LAMC1: variants seen among roughly 807,000 people sequenced by gnomAD.
The protein encoded by LAMC1 is laminin subunit gamma-1.
Under a neutral mutation model 173.6 loss-of-function variants are expected in LAMC1, and 38 were observed. That is an observed-to-expected ratio of 0.22 (90% confidence interval 0.17 to 0.29). The LOEUF is 0.29. Ranked by LOEUF, LAMC1 falls within the 10% of genes least tolerant of loss-of-function variation. The probability of loss-of-function intolerance (pLI) is 1.00; values close to 1 mark genes in which losing one functional copy is unlikely to be tolerated. For synonymous variants in LAMC1, 746 were observed against 749.1 expected (o/e 1.00, Z 0.07); for missense variants, 1,824 against 2,051.8 (o/e 0.89, Z 2.14).
At chr1:183,053,760 G>A (rs1654501845) in intron 1 of LAMC1, among the ~76,000 whole-genome samples, 1 of 151,936 alleles carries the variant, frequency 6.6e-6, no homozygotes, top group African/African-American at 2.4e-5. Context: ...TGAGTAGCTG[G>A]GATTACAGGC....
At chr1:183,140,598 T>G (rs147382362) in intron 27 of LAMC1, 95 bp downstream of exon 27, 2 of 589,570 alleles carry the variant, frequency 3.4e-6, no homozygotes, top group African/African-American at 1.9e-5. Context: ...GCAGATGATA[T>G]AGGTTTACAT....
rs1409774161 is a variant in LAMC1, at chr1:183,117,377, C to T, written c.1622C>T (p.Ser541Phe). ...GGCTCTGAAGCATCTCTCGAGTGGT[C>T]CTCTGAGAGGCAAGATATCGCCGTG... The part of the protein sequence containing the change: ...RDGSEASLEW[S>F]SERQDIAVIS... The change falls in exon 9 of 28, where the codon TCC becomes TTC. Residue 541 changes from serine to phenylalanine, a missense_variant. Coordinates refer to ENST00000258341, the MANE Select transcript of LAMC1 (RefSeq NM_002293.4). The T allele has an allele frequency of 9.9e-6, 16 of 1,613,668 alleles. No individual in the cohort carries two copies. Among genetic ancestry groups the T allele is most frequent in the African/African-American group, 1.3e-5 (1 of 74,890 alleles).
intron 1 of LAMC1, among the ~76,000 whole-genome samples, chr1:183,038,726 T>A (rs557653670): frequency 6.6e-6 from 1 of 152,282 alleles, no homozygotes; most frequent in African/African-American, 2.4e-5. Context: ...GCTGCCCACA[T>A]GTTCTCAAAA....
Position 183,121,961 on chromosome 1 carries a change from C to T in LAMC1, c.2212+17C>T. 4 of 1,612,418 alleles carry T rather than the reference C, an allele frequency of 2.5e-6. No individual in the cohort carries two copies. Among genetic ancestry groups the T allele is most frequent in the Non-Finnish European group, 3.4e-6 (4 of 1,178,532 alleles). On this transcript the variant is annotated intron_variant, in intron 12 of 27. Transcript: ENST00000258341. ...CTGAGACAGGTGAGATGATCTTTGG[C>T]AGCTCTTAGACCTAACTTCTCTTTA...
rs529995334 is a variant in LAMC1, at chr1:183,041,291, A to T, written c.418+17157A>T. ...TCAGTCATGGTAAACTGTTCATAGT[A>T]AACATGCTCCCACCGTGTGGGTACT... On this transcript the variant is annotated intron_variant, in intron 1 of 27. Transcript: ENST00000258341. Among the ~76,000 whole-genome samples the T allele has an allele frequency of 9.2e-5, 14 of 152,250 alleles. No homozygotes were observed. The East Asian group carries it at 2.7e-3, about 29-fold the overall frequency.
intron 1 of LAMC1, among the ~76,000 whole-genome samples, chr1:183,058,653 C>T (rs1380530321): frequency 6.6e-6 from 1 of 152,146 alleles, no homozygotes; most frequent in Non-Finnish European, 1.5e-5. Context: ...TTTACTTATA[C>T]TAATGTTTCT....
At chr1:183,132,668 C>A in intron 21 of LAMC1, 131 bp downstream of exon 21, 1 of 704,066 alleles carries the variant, frequency 1.4e-6, no homozygotes, top group Non-Finnish European at 2.3e-6. Context: ...GTTAATCATG[C>A]TTTTGAAATG....
chr1:183,115,397 C>A (rs1656288312), intron 5 of LAMC1, 123 bp from the exon 6 acceptor site: 3 of 697,956 alleles, frequency 4.3e-6, no homozygotes, highest in African/African-American at 1.8e-5. Context: ...TTGTGACCAT[C>A]AGGAGATTGC....
intron 18 of LAMC1, 70 bp from the exon 19 acceptor site, chr1:183,130,274 T>C (rs1656745296): frequency 8.1e-6 from 11 of 1,359,450 alleles, no homozygotes; most frequent in Non-Finnish European, 1.1e-5. Context: ...ACATAGGGCC[T>C]CAGATTTCAT....
At chr1:183,128,370 C>T (rs1470179865) in intron 17 of LAMC1, among the ~76,000 whole-genome samples, 1 of 151,600 alleles carries the variant, frequency 6.6e-6, no homozygotes, top group Non-Finnish European at 1.5e-5. Flanking sequence ...GTGGATAGAA[C>T]TACATATTCA....
intron 13 of LAMC1, among the ~76,000 whole-genome samples, 166 bp downstream of exon 13, chr1:183,122,417 C>A (rs553025481): frequency 9.0e-4 from 137 of 152,338 alleles, no homozygotes; most frequent in African/African-American, 3.1e-3. Flanking sequence ...TTCCATCTCT[C>A]TTTTGGGTAT....
intron 1 of LAMC1, among the ~76,000 whole-genome samples, chr1:183,070,207 T>C (rs536026691): frequency 4.6e-5 from 7 of 152,376 alleles, no homozygotes; most frequent in South Asian, 4.1e-4. Flanking sequence ...TCACTAGTTA[T>C]ATTTGCAAAT....
At chr1:183,121,633 G>T in intron 11 of LAMC1, 90 bp from the exon 12 acceptor site, 3 of 1,067,948 alleles carry the variant, frequency 2.8e-6, no homozygotes, top group Non-Finnish European at 2.7e-6. Context: ...TCTGGAATTT[G>T]GGGTCTAGTT....
Position 183,124,856 on chromosome 1 carries a change from A to G in LAMC1, c.2627A>G (p.Asn876Ser), listed in dbSNP as rs781166887. The G allele has an allele frequency of 7.4e-6, 12 of 1,614,022 alleles. No individual in the cohort carries two copies. Among genetic ancestry groups the G allele is most frequent in the Admixed American group, 5.0e-5 (3 of 60,008 alleles). ...DGFFGNPLAPNPADKCKACNC... is the reference protein window; with the variant it reads ...DGFFGNPLAPSPADKCKACNC... ...TTTTTTGGAAATCCCCTGGCTCCCA[A>G]TCCAGCAGACAAATGCAAAGGTAAT... The change falls in exon 14 of 28, where the codon AAT (asparagine) becomes AGT (serine). Residue 876 changes from asparagine (N) to serine (S), a missense_variant. Physicochemically the swap from Asn to Ser is conservative, Grantham distance 46. Coordinates refer to ENST00000258341, the MANE Select transcript of LAMC1 (RefSeq NM_002293.4).
intron 1 of LAMC1, among the ~76,000 whole-genome samples, chr1:183,053,254 C>T (rs1159309887): frequency 1.3e-5 from 2 of 152,110 alleles, no homozygotes; most frequent in African/African-American, 4.8e-5. Context: ...TCGACTATAG[C>T]CATTATAAGA....
chr1:183,024,654 G>A (rs1653632556), intron 1 of LAMC1, among the ~76,000 whole-genome samples: 1 of 152,210 alleles, frequency 6.6e-6, no homozygotes, highest in South Asian at 2.1e-4. Flanking sequence ...TTGCCTATGT[G>A]TAATTAAAAC....
chr1:183,085,499 A>G (rs1039328507), intron 1 of LAMC1, among the ~76,000 whole-genome samples: 7 of 151,508 alleles, frequency 4.6e-5, no homozygotes, highest in African/African-American at 1.7e-4. Context: ...AGGAGCTCGG[A>G]CCACAGGTGC....
rs770708853 is a variant in LAMC1, at chr1:183,116,861, G to A, written c.1522G>A (p.Val508Ile). ...GCATTCTTCTGTCTGTACAAACGCT[G>A]TTGGCTACAGTGTTTATTCTATCTC... Reference protein sequence around the residue: ...FGHSSVCTNAVGYSVYSISST... With the variant: ...FGHSSVCTNAIGYSVYSISST... The change falls in exon 8 of 28, where the codon GTT (valine) becomes ATT (isoleucine). Residue 508 changes from valine to isoleucine, a missense_variant. Transcript: ENST00000258341. 7 of 1,613,976 alleles carry A rather than the reference G, an allele frequency of 4.3e-6. No homozygotes were observed. The highest frequency in any genetic ancestry group is 1.7e-5 in the Admixed American group (1 of 60,000).
chr1:183,100,383 G>A (rs894780237), intron 1 of LAMC1, among the ~76,000 whole-genome samples: 4 of 152,172 alleles, frequency 2.6e-5, no homozygotes, highest in Non-Finnish European at 5.9e-5. Flanking sequence ...AGCTGAAGTT[G>A]CTCCTTAAAC....
Sources: gnomAD v4.1 joint callset for allele counts (sites outside exome capture counted in the v4.1 genomes callset) on GRCh38, gnomAD v4.1.1 for gene constraint, MANE v1.5 for transcripts, NCBI Gene and HGNC (gene_info 2026-07-23, HGNC 2026-07-21) for gene names.